The following PCDHA8 variants were observed in gnomAD, a reference collection of about 807,000 sequenced individuals.
PCDHA8 encodes protocadherin alpha 8.
PCDHA8 carries 53 observed loss-of-function variants against 61.8 expected under a neutral mutation model. That is an observed-to-expected ratio of 0.86 (90% CI 0.69 to 1.08). The LOEUF (loss-of-function observed/expected upper bound fraction) is 1.08, where lower values mean the gene tolerates loss of function less well. Ranked by LOEUF, PCDHA8 falls within the 50% of genes least tolerant of loss-of-function variation. The probability of loss-of-function intolerance (pLI) is 0.00; values close to 1 mark genes in which losing one functional copy is unlikely to be tolerated. For synonymous variants in PCDHA8, 618 were observed against 556.6 expected, an observed-to-expected ratio of 1.11 and a Z score of -1.55; for missense variants, 1,293 against 1,245.0, an observed-to-expected ratio of 1.04 and a Z score of -0.58.
chr5:140,934,346 G>T (rs941608404), intron 1 of PCDHA8, among the ~76,000 whole-genome samples: 1 of 152,130 alleles, frequency 6.6e-6, no homozygotes, highest in South Asian at 2.1e-4. Flanking sequence ...CACCAGTACA[G>T]TGTGGAGCCA....
intron 1 of PCDHA8, chr5:140,927,075 C>A (rs1304732952): frequency 1.9e-6 from 3 of 1,611,070 alleles, no homozygotes; most frequent in Non-Finnish European, 2.5e-6. Context: ...TTTCCAGCCA[C>A]CGCGAGCTCT....
intron 1 of PCDHA8, among the ~76,000 whole-genome samples, chr5:140,874,171 G>C (rs2054750145): frequency 6.6e-6 from 1 of 152,080 alleles, no homozygotes; most frequent in Admixed American, 6.5e-5. Flanking sequence ...ACTCTTTCCT[G>C]GTGTTGTAAA....
At chr5:140,849,456 G>C in intron 1 of PCDHA8, 2 of 1,587,320 alleles carry the variant, frequency 1.3e-6, no homozygotes, top group Non-Finnish European at 1.7e-6. Context: ...GATCCCAGTC[G>C]AGGCTGTCGA....
intron 1 of PCDHA8, chr5:140,883,837 G>A (rs1554180178): frequency 6.2e-7 from 1 of 1,612,730 alleles, no homozygotes; most frequent in East Asian, 2.2e-5. Context: ...TGCAGCCGTT[G>A]GACCACGAGG....
intron 1 of PCDHA8, chr5:140,851,667 T>C (rs628871): frequency 0.26 from 235,964 of 911,074 alleles, 43,172 homozygotes; most frequent in South Asian, 0.31. Context: ...TCCTTTTAAT[T>C]GAAATTTTCT....
At chr5:140,970,252 T>A (rs2096392828) in intron 1 of PCDHA8, among the ~76,000 whole-genome samples, 1 of 152,234 alleles carries the variant, frequency 6.6e-6, no homozygotes, top group Non-Finnish European at 1.5e-5. Context: ...GTTGACAGTT[T>A]CTATGGTTTT....
intron 1 of PCDHA8, among the ~76,000 whole-genome samples, chr5:140,936,885 T>C (rs1490428437): frequency 6.6e-6 from 1 of 152,238 alleles, no homozygotes; most frequent in Non-Finnish European, 1.5e-5. Context: ...CCTGCTTTGA[T>C]TTTAATTGGC....
chr5:140,933,314 G>C (rs925777839), intron 1 of PCDHA8, among the ~76,000 whole-genome samples: 1 of 151,914 alleles, frequency 6.6e-6, no homozygotes, highest in African/African-American at 2.4e-5. Context: ...ATGCAATCTC[G>C]TATTCTCCTG....
intron 1 of PCDHA8, among the ~76,000 whole-genome samples, chr5:140,912,536 A>G (rs1554195402): frequency 2.0e-5 from 3 of 152,290 alleles, no homozygotes; most frequent in African/African-American, 4.8e-5. Flanking sequence ...GTACATGATC[A>G]TATTGTCAGC....
intron 1 of PCDHA8, chr5:140,930,241 C>T (rs2086688232): frequency 1.3e-5 from 2 of 152,148 alleles, no homozygotes; most frequent in African/African-American, 2.4e-5. Context: ...ATCCAAAGTC[C>T]ATTCAACTTG....
At chr5:140,966,914 G>C in intron 1 of PCDHA8, 2 of 1,602,270 alleles carry the variant, frequency 1.2e-6, no homozygotes, top group Non-Finnish European at 1.7e-6. Flanking sequence ...CTCTGTGCCA[G>C]AGGAGCAGGC....
chr5:140,846,983 T>TC (rs1245867749), intron 1 of PCDHA8, among the ~76,000 whole-genome samples: 3 of 148,244 alleles, frequency 2.0e-5, no homozygotes, highest in African/African-American at 7.4e-5. Context: ...ATAAGTAAGT[T>TC]CCCCCCGGGA....
chr5:140,968,727 G>A, intron 1 of PCDHA8: 1 of 1,614,162 alleles, frequency 6.2e-7, no homozygotes, highest in Admixed American at 1.7e-5. Context: ...GAGAGTGGTA[G>A]CACTTTCAAC....
chr5:140,860,143 G>A (rs1226085674), intron 1 of PCDHA8: 2 of 148,758 alleles, frequency 1.3e-5, no homozygotes, highest in Non-Finnish European at 3.0e-5. Context: ...GTATATATAT[G>A]TATATATGTG....
chr5:140,973,812 G>A (rs897592585), intron 1 of PCDHA8, among the ~76,000 whole-genome samples: 10 of 152,236 alleles, frequency 6.6e-5, no homozygotes, highest in Admixed American at 6.5e-4. Context: ...TGACAGAATA[G>A]CAAAGTCAGT....
At chr5:140,884,416 G>A (rs1035372416) in intron 1 of PCDHA8, 22 of 1,613,888 alleles carry the variant, frequency 1.4e-5, no homozygotes, top group Non-Finnish European at 1.7e-5. Context: ...TCACGTTGCT[G>A]CTGTATACTG....
At chr5:140,884,541 T>C (rs782267123) in intron 1 of PCDHA8, 17 of 1,613,862 alleles carry the variant, frequency 1.1e-5, no homozygotes, top group Non-Finnish European at 1.4e-5. Flanking sequence ...CGGCCGAGGG[T>C]GTGCTCTGGG....
At position 140,982,483 on chromosome 5, in the gene PCDHA8, A is replaced by C. The variant is rs1554244276; in HGVS notation, c.2462A>C (p.His821Pro). 1.2e-5 allele frequency: 20 copies of C among 1,614,142 alleles called. No homozygotes were observed. In the South Asian group the frequency reaches 1.9e-4, roughly 15 times the overall value. The stretch of plus-strand genomic sequence containing the variant: ...TCTGTGTGTTTATTCAGCTCTGTGC[A>C]CCTAGAGGAGGCTGGCATTCTACGG... ...SLRAGMHSSV[H>P]LEEAGILRAG... The change falls in exon 3 of 4, where the codon CAC becomes CCC. Residue 821 changes from histidine to proline, a missense_variant. By Grantham distance (77) the His-to-Pro change is moderately conservative. Coordinates refer to ENST00000531613, the MANE Select transcript of PCDHA8 (RefSeq NM_018911.3).
intron 1 of PCDHA8, among the ~76,000 whole-genome samples, chr5:140,949,848 C>T (rs534650997): frequency 2.2e-4 from 34 of 151,738 alleles, no homozygotes; most frequent in African/African-American, 6.0e-4. Flanking sequence ...CTTCTGTTTC[C>T]GCTTATCTGT....
Sources: allele counts gnomAD v4.1 joint callset (sites outside exome capture counted in the v4.1 genomes callset), GRCh38; gene constraint gnomAD v4.1.1; transcripts MANE v1.5; gene names NCBI Gene and HGNC (gene_info 2026-07-23, HGNC 2026-07-21).